ZSCAN31: variants seen among roughly 807,000 people sequenced by gnomAD.
ZSCAN31 encodes the protein zinc finger and SCAN domain-containing protein 31.
In ZSCAN31, 14 loss-of-function variants were observed where a neutral mutation model predicts 22.5. The observed-to-expected ratio is 0.62, with a 90% CI of 0.41 to 0.97. The LOEUF (loss-of-function observed/expected upper bound fraction) is 0.97. Among genes scored for constraint, ZSCAN31 ranks in the 50% least tolerant of loss-of-function variants. The pLI is 0.00. For missense variants in ZSCAN31, 424 were observed against 483.4 expected (o/e 0.88, Z 1.15); for synonymous variants, 168 against 169.8 (o/e 0.99, Z 0.08).
intron 2 of ZSCAN31, among the ~76,000 whole-genome samples, chr6:28,344,005 C>T (rs1322249984): frequency 6.6e-6 from 1 of 152,136 alleles, no homozygotes; most frequent in Non-Finnish European, 1.5e-5. Flanking sequence ...ATCTCTCCTG[C>T]CCCTTATCAT....
At chr6:28,338,856 T>C (rs1400475372), upstream of ZSCAN31, among the ~76,000 whole-genome samples, 1 of 152,228 alleles carries the variant, frequency 6.6e-6, no homozygotes, top group Non-Finnish European at 1.5e-5. Flanking sequence ...CAAAAGCTTT[T>C]TAAAATTGTT....
upstream of ZSCAN31, among the ~76,000 whole-genome samples, chr6:28,339,563 C>T (rs992403893): frequency 2.6e-5 from 4 of 152,236 alleles, no homozygotes; most frequent in Non-Finnish European, 5.9e-5. Context: ...GCTGGGATTA[C>T]AGGCATGAGC....
rs186185155 is a variant in ZSCAN31, at chr6:28,342,654, A to G, written c.-370-862T>C. ...TGTATCAAGATAGAGGCACTCTACT[A>G]TGATTTAATATTCTGGCAAGGGCCC... On this transcript the variant is annotated intron_variant, in intron 2 of 7. Transcript: ENST00000396838. Among the ~76,000 whole-genome samples, 43 of 152,292 alleles carry G rather than the reference A, an allele frequency of 2.8e-4. No individual in the cohort carries two copies. In the East Asian group the frequency reaches 7.9e-3, roughly 28 times the overall value.
rs149832758 is a variant in ZSCAN31, at chr6:28,351,488, G to C, written c.-371+2374C>G. ...TTGTTTAATTTTCTAAAATTTTGGAGAGAAATTTAAACACATTTAATTGTA... is the reference window on the plus strand; with the variant it reads ...TTGTTTAATTTTCTAAAATTTTGGACAGAAATTTAAACACATTTAATTGTA... On this transcript the variant is annotated intron_variant, in intron 2 of 7. Transcript: ENST00000396838. This position sits in a 1 kb window ranked among gnomAD's most constrained non-coding sequence, Gnocchi z 4.6. Among the ~76,000 whole-genome samples, 1 of 152,230 alleles carries C rather than the reference G, an allele frequency of 6.6e-6. No individual in the cohort carries two copies. The highest frequency in any genetic ancestry group is 1.5e-5 in the Non-Finnish European group (1 of 68,016).
upstream of ZSCAN31, among the ~76,000 whole-genome samples, chr6:28,336,633 C>G (rs564245183): frequency 1.6e-4 from 24 of 152,284 alleles, no homozygotes; most frequent in Non-Finnish European, 2.2e-4. Flanking sequence ...CCGTTAGGCT[C>G]TGTTGCGGTT....
chr6:28,339,414 G>A (rs1484121454), upstream of ZSCAN31, among the ~76,000 whole-genome samples: 3 of 151,976 alleles, frequency 2.0e-5, no homozygotes, highest in South Asian at 4.1e-4. Flanking sequence ...CTCATACCTC[G>A]AGTATCTGGG....
intron 2 of ZSCAN31, among the ~76,000 whole-genome samples, chr6:28,343,521 CTTTTCTTTTTTTTTTTCTTTCTTT>C (rs1210234651): frequency 7.0e-6 from 1 of 143,250 alleles, no homozygotes; most frequent in African/African-American, 2.6e-5. Flanking sequence ...TGCATATTTT[CTTTTCTTTTTTTTTTTCTTTCTTT>C]TTTTTTTTTT....
upstream of ZSCAN31, among the ~76,000 whole-genome samples, chr6:28,354,621 T>A (rs1765301952): frequency 6.6e-6 from 1 of 152,250 alleles, no homozygotes. Context: ...GCCACAGTAA[T>A]ACAGGGAGCA....
rs776085785 is a variant in ZSCAN31, at chr6:28,327,449, G to T, written c.466C>A (p.Gln156Lys). ...LKVKQEPTDI[Q>K]LQPMVTQLRY... ...AGCTGTGTCACCATAGGCTGAAGCT[G>T]TATGTCTGTTGGTTCCTGCTTGACC... The change falls in exon 3 of 4, where the codon CAG becomes AAG. Residue 156 changes from glutamine (Q) to lysine (K), a missense_variant. Transcript: ENST00000344279. 2 of 1,614,042 alleles carry T rather than the reference G, an allele frequency of 1.2e-6. No individual in the cohort carries two copies. Among genetic ancestry groups the T allele is most frequent in the Non-Finnish European group, 1.7e-6 (2 of 1,180,018 alleles).
chr6:28,348,860 T>C (rs1764762545), intron 2 of ZSCAN31, among the ~76,000 whole-genome samples: 1 of 152,106 alleles, frequency 6.6e-6, no homozygotes, highest in Non-Finnish European at 1.5e-5. Context: ...TATATAGGTG[T>C]ATATACATGT....
rs1435010768 is a variant in ZSCAN31, at chr6:28,351,256, T to C, written c.-371+2606A>G. Among the ~76,000 whole-genome samples the C allele has an allele frequency of 2.0e-5, 3 of 152,212 alleles. No homozygotes were observed. Among genetic ancestry groups the C allele is most frequent in the Non-Finnish European group, 2.9e-5 (2 of 68,036 alleles). On this transcript the variant is annotated intron_variant, in intron 2 of 7. Transcript: ENST00000396838. The surrounding 1 kb of genome is among the most constrained non-coding windows in gnomAD (Gnocchi z 4.6). ...CAAGTAGGGGCCAGGTAGTGAAACC[T>C]AAATGGAGTTTGTGGAATAAATGAT...
At chr6:28,327,868 G>C (rs944833965) in intron 2 of ZSCAN31, among the ~76,000 whole-genome samples, 4 of 152,122 alleles carry the variant, frequency 2.6e-5, no homozygotes, top group African/African-American at 7.2e-5. Flanking sequence ...CAGAGAATCT[G>C]TCCTGATATT....
Position 28,329,615 on chromosome 6 carries a change from T to C in ZSCAN31, c.69A>G (p.Gln23=), listed in dbSNP as rs996467465. 1 of 1,614,238 alleles carries C rather than the reference T, an allele frequency of 6.2e-7. No homozygotes were observed. The change falls in exon 2 of 4, where the codon CAA becomes CAG. Residue 23 remains glutamine, a synonymous_variant. Transcript: ENST00000344279. ...AGTTGTTCCCTCGAAGGTGGGTTTCTTGGTCCCAGATAGGGTCTTCCTCCA... is the reference window on the plus strand; with the variant it reads ...AGTTGTTCCCTCGAAGGTGGGTTTCCTGGTCCCAGATAGGGTCTTCCTCCA... ...VKVEEDPIWD[Q]ETHLRGNNFS...
chr6:28,352,964 C>CTTTTT (rs5875156), intron 2 of ZSCAN31, among the ~76,000 whole-genome samples: 3 of 129,918 alleles, frequency 2.3e-5, no homozygotes, highest in Non-Finnish European at 3.2e-5. Flanking sequence ...TTTTCTTTTT[C>CTTTTT]TTTTTTTTTT....
At chr6:28,340,651 C>G (rs911488037), upstream of ZSCAN31, among the ~76,000 whole-genome samples, 1 of 152,226 alleles carries the variant, frequency 6.6e-6, no homozygotes, top group Non-Finnish European at 1.5e-5. Flanking sequence ...TGACAACAGA[C>G]TAAAACACCC....
At chr6:28,341,474 G>A (rs1228161605) in intron 3 of ZSCAN31, among the ~76,000 whole-genome samples, 1 of 152,170 alleles carries the variant, frequency 6.6e-6, no homozygotes, top group Non-Finnish European at 1.5e-5. Context: ...CCCCATTCAT[G>A]AGGGCAGAAC....
At chr6:28,329,891 ATAGT>A in intron 1 of ZSCAN31, 113 bp from the exon 2 acceptor site, 1 of 566,680 alleles carries the variant, frequency 1.8e-6, no homozygotes, top group Non-Finnish European at 2.9e-6. Flanking sequence ...AAATGTATAT[ATAGT>A]TACTGACTTA....
chr6:28,352,316 AT>A (rs138730255), intron 2 of ZSCAN31, among the ~76,000 whole-genome samples: 3 of 151,404 alleles, frequency 2.0e-5, no homozygotes, highest in African/African-American at 4.9e-5. Flanking sequence ...GATTTAATTG[AT>A]TTTTTTTTCA....
chr6:28,333,337 T>G lies in ZSCAN31; in HGVS notation c.-96+2745A>C, dbSNP rs1392437679. 6.6e-6 allele frequency among the ~76,000 whole-genome samples: 1 copy of G among 152,186 alleles called. No homozygotes were observed. The highest frequency in any genetic ancestry group is 1.5e-5 in the Non-Finnish European group (1 of 68,040). ...TAGTCAATAAATGTTCATTGAGCAC[T>G]CATAACATACCAGGTACTTGGCTGG... On this transcript the variant is annotated intron_variant, in intron 1 of 3. Coordinates refer to ENST00000344279, the MANE Select transcript of ZSCAN31 (RefSeq NM_030899.5). This position sits in a 1 kb window ranked among gnomAD's most constrained non-coding sequence, Gnocchi z 4.1.
Sources: allele counts gnomAD v4.1 joint callset (sites outside exome capture counted in the v4.1 genomes callset), GRCh38; gene constraint gnomAD v4.1.1; non-coding constraint Gnocchi (gnomAD v3.1); transcripts MANE v1.5; gene names NCBI Gene and HGNC (gene_info 2026-07-23, HGNC 2026-07-21).